PRR11: variants seen among roughly 807,000 people sequenced by gnomAD.
PRR11 encodes the protein proline rich 11.
PRR11 carries 30 observed loss-of-function variants against 45.6 expected under a neutral mutation model. The observed-to-expected ratio is 0.66, with a 90% CI of 0.49 to 0.89. The LOEUF (loss-of-function observed/expected upper bound fraction) is 0.89. Among genes scored for constraint, PRR11 ranks in the 40% least tolerant of loss-of-function variants. The pLI, the probability that PRR11 is intolerant of heterozygous loss-of-function variation, is 0.00. For synonymous variants in PRR11, 128 were observed against 153.5 expected (o/e 0.83, Z 1.23); for missense variants, 373 against 424.8 (o/e 0.88, Z 1.07).
intron 7 of PRR11, among the ~76,000 whole-genome samples, chr17:59,196,337 T>C (rs2046865934): frequency 6.6e-6 from 1 of 152,138 alleles, no homozygotes. Context: ...TTTCATATTA[T>C]ATAATTTCTG....
At position 59,193,505 on chromosome 17, in the gene PRR11, G is replaced by A; in HGVS notation, c.416G>A (p.Ser139Asn). The A allele has an allele frequency of 6.2e-7, 1 of 1,614,118 alleles. No homozygotes were observed. Among genetic ancestry groups the A allele is most frequent in the South Asian group, 1.1e-5 (1 of 91,078 alleles). ...LQEALKTISE[S>N]SSCPSCGQTC... ...GTCTTCTTCCAGACCATCTCAGAAA[G>A]TTCTTCCTGTCCAAGCTGTGGTCAA... The change falls in exon 5 of 10, where the codon AGT becomes AAT. Residue 139 changes from serine to asparagine, a missense_variant. By Grantham distance (46) the Ser-to-Asn change is conservative. Transcript: ENST00000262293.
intron 1 of PRR11, among the ~76,000 whole-genome samples, chr17:59,169,422 A>G (rs748613177): frequency 6.6e-6 from 1 of 152,106 alleles, no homozygotes; most frequent in Non-Finnish European, 1.5e-5. Flanking sequence ...ATAACTGACT[A>G]TAACCCACCT....
intron 1 of PRR11, among the ~76,000 whole-genome samples, chr17:59,169,340 C>G (rs193095848): frequency 6.6e-6 from 1 of 152,174 alleles, no homozygotes; most frequent in Admixed American, 6.5e-5. Context: ...TCAGGTGATT[C>G]ACCCGCCTCG....
In PRR11 at chr17:59,197,795, C is replaced by G. The variant is rs780959815; in HGVS notation, c.1014+6C>G. The stretch of plus-strand genomic sequence containing the variant: ...CCTTAAGGAGAAAGTTTCAGGTAAC[C>G]CTTTAGGAAAAGAATATTGGTTCCT... On this transcript the variant is annotated splice_donor_region_variant and intron_variant, in intron 9 of 9. Transcript: ENST00000262293. 1.2e-6 allele frequency: 2 copies of G among 1,609,052 alleles called. No individual in the cohort carries two copies. The highest frequency in any genetic ancestry group is 1.7e-6 in the Non-Finnish European group (2 of 1,175,976).
At chr17:59,166,123 C>A (rs1239965028) in intron 1 of PRR11, among the ~76,000 whole-genome samples, 1 of 152,170 alleles carries the variant, frequency 6.6e-6, no homozygotes. Flanking sequence ...GTTTTTACAA[C>A]CTGCAACAGG....
At chr17:59,189,647 T>C (rs2046831845) in intron 4 of PRR11, among the ~76,000 whole-genome samples, 1 of 151,964 alleles carries the variant, frequency 6.6e-6, no homozygotes, top group African/African-American at 2.4e-5. Flanking sequence ...ATAAAATTAT[T>C]GAGACTAGGT....
intron 1 of PRR11, among the ~76,000 whole-genome samples, chr17:59,164,126 T>G (rs188217989): frequency 2.0e-5 from 3 of 152,238 alleles, no homozygotes; most frequent in Admixed American, 2.0e-4. Flanking sequence ...AAATAAAATT[T>G]TATTAGACAC....
chr17:59,167,160 TCTCTAAA>T (rs1568318249), intron 1 of PRR11, among the ~76,000 whole-genome samples: 1 of 152,290 alleles, frequency 6.6e-6, no homozygotes, highest in Non-Finnish European at 1.5e-5. Flanking sequence ...CAAGACTCTG[TCTCTAAA>T]TAAATAAATA....
chr17:59,187,382 T>C (rs1187842873), intron 4 of PRR11, among the ~76,000 whole-genome samples: 1 of 151,994 alleles, frequency 6.6e-6, no homozygotes, highest in Non-Finnish European at 1.5e-5. Flanking sequence ...AAGACTAGCC[T>C]AGCCAATGTG....
intron 2 of PRR11, chr17:59,178,623 G>A (rs2046762802): frequency 5.8e-6 from 3 of 519,246 alleles, no homozygotes; most frequent in Non-Finnish European, 1.2e-5. Context: ...CTCCCAGGGG[G>A]AAGTCTCAGG....
At chr17:59,177,795 C>G (rs893366369) in intron 2 of PRR11, among the ~76,000 whole-genome samples, 1 of 152,140 alleles carries the variant, frequency 6.6e-6, no homozygotes, top group Non-Finnish European at 1.5e-5. Context: ...ACAGGAGGAT[C>G]AAGTGAGTCC....
At chr17:59,168,455 C>T (rs535212719) in intron 1 of PRR11, among the ~76,000 whole-genome samples, 3 of 152,250 alleles carry the variant, frequency 2.0e-5, no homozygotes, top group African/African-American at 7.2e-5. Context: ...CAGACGTGAG[C>T]CACCACACCC....
chr17:59,201,627 A>C lies in PRR11; in HGVS notation c.1079A>C (p.Asn360Thr), dbSNP rs2046892984. Residue 360 changes from asparagine (N) to threonine (T), a missense_variant, in exon 10 of 10, where the codon AAC becomes ACC. Physicochemically the swap from Asn to Thr is moderately conservative, Grantham distance 65. Transcript: ENST00000262293. ...PLSTSSFDEQ[N>T] ...TCTACAAGCAGCTTTGATGAACAAA[A>C]CTGATGCCAACTCTGCCTCACTCCA... The C allele has an allele frequency of 6.2e-6, 10 of 1,613,378 alleles. No homozygotes were observed. The highest frequency in any genetic ancestry group is 8.5e-6 in the Non-Finnish European group (10 of 1,179,806).
intron 2 of PRR11, chr17:59,181,812 G>GACCCCA (rs2046788354): frequency 5.8e-6 from 8 of 1,372,908 alleles, no homozygotes; most frequent in South Asian, 1.1e-5. Flanking sequence ...CCCCGACCCC[G>GACCCCA]ACCCCAACCC....
rs57853873 is a variant in PRR11, at chr17:59,194,267, T to TCACACACACACACACA, written c.646-467_646-452dup. Among the ~76,000 whole-genome samples, 439 of 141,158 alleles carry TCACACACACACACACA rather than the reference T, an allele frequency of 3.1e-3. 1 individual carries two copies. Among genetic ancestry groups the TCACACACACACACACA allele is most frequent in the African/African-American group, 5.3e-3 (205 of 38,756 alleles). The allele number at this position is 141,158 out of a possible 152,430, so 92.6% of individuals were successfully genotyped here. ...ATTAAATCCAGAGTCTTCCCAATCC[T>TCACACACACACACACA]CACACACACACACACACACACACAC... On this transcript the variant is annotated intron_variant, in intron 5 of 9. Coordinates refer to ENST00000262293, the MANE Select transcript of PRR11 (RefSeq NM_018304.4).
chr17:59,161,437 C>A (rs1005767231), intron 1 of PRR11, among the ~76,000 whole-genome samples: 11 of 137,504 alleles, frequency 8.0e-5, no homozygotes, highest in South Asian at 2.3e-4. Flanking sequence ...AAACATAAAA[C>A]AAAAAAAAAA....
At chr17:59,166,090 T>C (rs1413020443) in intron 1 of PRR11, among the ~76,000 whole-genome samples, 4 of 152,176 alleles carry the variant, frequency 2.6e-5, no homozygotes, top group Non-Finnish European at 5.9e-5. Flanking sequence ...CCTCTGCAAA[T>C]CATGGAACCA....
chr17:59,178,740 C>T (rs532571712), intron 2 of PRR11, among the ~76,000 whole-genome samples: 1 of 152,170 alleles, frequency 6.6e-6, no homozygotes, highest in Non-Finnish European at 1.5e-5. Flanking sequence ...TGAAGGAGGC[C>T]CTGGGTGTGA....
intron 6 of PRR11, 80 bp downstream of exon 6, chr17:59,194,935 A>G: frequency 8.5e-7 from 1 of 1,171,834 alleles, no homozygotes; most frequent in East Asian, 2.4e-5. Flanking sequence ...GCACTTTGGG[A>G]GACCAAGGTG....
Sources: gnomAD v4.1 joint callset for allele counts (sites outside exome capture counted in the v4.1 genomes callset) on GRCh38, gnomAD v4.1.1 for gene constraint, MANE v1.5 for transcripts, NCBI Gene and HGNC (gene_info 2026-07-23, HGNC 2026-07-21) for gene names.